PPP2R3A: variants seen among roughly 807,000 people sequenced by gnomAD.
PPP2R3A encodes the protein protein phosphatase 2 regulatory subunit B''alpha, also known as serine/threonine-protein phosphatase 2A regulatory subunit B'' subunit alpha.
Under a neutral mutation model 106.9 loss-of-function variants are expected in PPP2R3A, and 80 were observed. That is an observed-to-expected ratio of 0.75 (90% CI 0.62 to 0.90). The LOEUF is 0.90. Ranked by LOEUF, PPP2R3A falls within the 40% of genes least tolerant of loss-of-function variation. PPP2R3A has a pLI of 0.00. For missense variants in PPP2R3A, 1,386 were observed against 1,350.4 expected, an observed-to-expected ratio of 1.03 and a Z score of -0.41; for synonymous variants, 483 against 468.3, an observed-to-expected ratio of 1.03 and a Z score of -0.41.
At chr3:136,052,914 G>A (rs1372596978) in intron 5 of PPP2R3A, among the ~76,000 whole-genome samples, 3 of 152,190 alleles carry the variant, frequency 2.0e-5, no homozygotes, top group Non-Finnish European at 4.4e-5. Context: ...AAATGGTAGA[G>A]AAAATCAACG....
At position 135,965,767 on chromosome 3, in the gene PPP2R3A, C is replaced by G. The variant is rs1030607069; in HGVS notation, c.-523C>G. The G allele has an allele frequency of 2.0e-5, 3 of 152,130 alleles. No individual in the cohort carries two copies. Among genetic ancestry groups the G allele is most frequent in the Admixed American group, 6.5e-5 (1 of 15,284 alleles). The allele number at this position is 152,130 out of a possible 1,614,324, so 9.4% of individuals were successfully genotyped here. A position where few individuals can be genotyped will look rare whatever the true frequency, so the allele number is the denominator to read the frequency against. On this transcript the variant is annotated 5_prime_UTR_variant, in exon 1 of 14. Transcript: ENST00000264977. ...GCTCTTCACGCGCCGCATTCGTAGC[C>G]CGAGAGTCCGCGCCGCGGGGAGGCT...
At chr3:136,030,687 A>C (rs1934839045) in intron 3 of PPP2R3A, among the ~76,000 whole-genome samples, 2 of 151,620 alleles carry the variant, frequency 1.3e-5, no homozygotes, top group African/African-American at 4.9e-5. Flanking sequence ...CACATGGAAT[A>C]GTCTCCAATC....
At chr3:135,983,769 G>A (rs531794757) in intron 1 of PPP2R3A, among the ~76,000 whole-genome samples, 1 of 152,290 alleles carries the variant, frequency 6.6e-6, no homozygotes, top group Admixed American at 6.5e-5. Flanking sequence ...GATGCCATTT[G>A]TGAACATGCT....
chr3:136,082,314 A>G lies in PPP2R3A; in HGVS notation c.2681A>G (p.Tyr894Cys). 1 of 1,602,214 alleles carries G rather than the reference A, an allele frequency of 6.2e-7. No homozygotes were observed. Among genetic ancestry groups the G allele is most frequent in the Non-Finnish European group, 8.6e-7 (1 of 1,169,178 alleles). The change falls in exon 8 of 14, where the codon TAC becomes TGC. Residue 894 changes from tyrosine (Y) to cysteine (C), a missense_variant. By Grantham distance (194) the Tyr-to-Cys change is radical. Transcript: ENST00000264977. The part of the protein sequence containing the change: ...EEEDINQITD[Y>C]FSYEHFYVIY... ...GAAGATATAAACCAAATTACAGATT[A>G]CTTCTCCTATGAACATTTCTATGTT...
rs567843641 is a variant in PPP2R3A, at chr3:136,013,201, T to C, written c.1995+9708T>C. 7.1e-3 allele frequency among the ~76,000 whole-genome samples: 1,082 copies of C among 151,862 alleles called. 11 individuals carry two copies. The highest frequency in any genetic ancestry group is 0.026 in the African/African-American group (1,061 of 41,398). ...GTGTGTGTATGTATGTATGTATGTA[T>C]GTATGTATGTATGTATGTATGTATG... On this transcript the variant is annotated intron_variant, in intron 2 of 13. Transcript: ENST00000264977.
intron 9 of PPP2R3A, among the ~76,000 whole-genome samples, chr3:136,088,947 T>C (rs780747777): frequency 1.3e-5 from 2 of 152,146 alleles, no homozygotes; most frequent in Non-Finnish European, 2.9e-5. Flanking sequence ...GTTTTTTGCT[T>C]GTTGATTTAA....
At chr3:136,135,843 C>T (rs112760391) in intron 13 of PPP2R3A, among the ~76,000 whole-genome samples, 3,812 of 151,770 alleles carry the variant, frequency 0.025, 171 homozygotes, top group African/African-American at 0.088. Flanking sequence ...GCCAGGAGTT[C>T]GAGACCTGCC....
At chr3:136,000,760 G>A (rs1380241989) in intron 1 of PPP2R3A, among the ~76,000 whole-genome samples, 1 of 152,172 alleles carries the variant, frequency 6.6e-6, no homozygotes, top group Admixed American at 6.5e-5. Context: ...TTTTTAAGCT[G>A]TGAGGGATGA....
chr3:136,010,298 G>A (rs1576431492), intron 2 of PPP2R3A, among the ~76,000 whole-genome samples: 1 of 105,494 alleles, frequency 9.5e-6, no homozygotes, highest in South Asian at 3.0e-4. Flanking sequence ...TCACTCTATT[G>A]CCCAGGCTGG....
rs771712744 is a variant in PPP2R3A at position 136,002,886 on chromosome 3, C to A, written c.1388C>A (p.Thr463Asn). 1 of 1,613,120 alleles carries A rather than the reference C, an allele frequency of 6.2e-7. No individual in the cohort carries two copies. Among genetic ancestry groups the A allele is most frequent in the Non-Finnish European group, 8.5e-7 (1 of 1,179,748 alleles). Residue 463 changes from threonine (T) to asparagine (N), a missense_variant, in exon 2 of 14, where the codon ACC (threonine) becomes AAC (asparagine). By Grantham distance (65) the Thr-to-Asn change is moderately conservative. Transcript: ENST00000264977. ...GCTACTCATCTTAAAAAATGCCCCACCCCAATGCAAAATGAAATTGGTAAG... is the reference window on the plus strand; with the variant it reads ...GCTACTCATCTTAAAAAATGCCCCAACCCAATGCAAAATGAAATTGGTAAG... ...EHATHLKKCP[T>N]PMQNEIGKIF...
intron 1 of PPP2R3A, among the ~76,000 whole-genome samples, chr3:136,000,456 A>G (rs9808979): frequency 0.27 from 40,509 of 152,140 alleles, 5,782 homozygotes; most frequent in Non-Finnish European, 0.32. Flanking sequence ...ATCCACATGG[A>G]GCAGGGTCTG....
intron 5 of PPP2R3A, among the ~76,000 whole-genome samples, chr3:136,057,678 A>G (rs946393314): frequency 2.0e-5 from 3 of 152,150 alleles, no homozygotes; most frequent in African/African-American, 4.8e-5. Flanking sequence ...GAGACAAACA[A>G]TGGCCAAAAA....
At position 136,133,776 on chromosome 3, in the gene PPP2R3A, G is replaced by GTA. The variant is rs1371312648; in HGVS notation, c.3330-11255_3330-11254dup. ...TTCAAGCAAGGACAAAAATAAATAT[G>GTA]TATATATATATATTTTTAAATATAT... On this transcript the variant is annotated intron_variant, in intron 13 of 13. Coordinates refer to ENST00000264977, the MANE Select transcript of PPP2R3A (RefSeq NM_002718.5). Among the ~76,000 whole-genome samples, 33 of 146,922 alleles carry GTA rather than the reference G, an allele frequency of 2.2e-4. 1 individual carries two copies. The highest frequency in any genetic ancestry group is 4.0e-4 in the Non-Finnish European group (27 of 67,084).
chr3:136,080,177 CAG>C (rs966228234), intron 7 of PPP2R3A, among the ~76,000 whole-genome samples: 1 of 152,148 alleles, frequency 6.6e-6, no homozygotes, highest in South Asian at 2.1e-4. Flanking sequence ...AACAGTGTCT[CAG>C]GGTTTTTTTC....
chr3:136,077,351 AT>A (rs1936630864), intron 6 of PPP2R3A, among the ~76,000 whole-genome samples: 1 of 152,166 alleles, frequency 6.6e-6, no homozygotes, highest in Admixed American at 6.5e-5. Context: ...TAGGCCTACT[AT>A]TGAGAAAGAT....
chr3:136,138,695 ATTTTTTTTTTTTTTT>A (rs747811648), intron 13 of PPP2R3A, among the ~76,000 whole-genome samples: 16 of 50,598 alleles, frequency 3.2e-4, no homozygotes, highest in Admixed American at 3.8e-4. Flanking sequence ...GAAATATTGA[ATTTTTTTTTTTTTTT>A]TTTTTTTTTT....
intron 13 of PPP2R3A, among the ~76,000 whole-genome samples, chr3:136,130,608 C>T (rs960233678): frequency 6.6e-6 from 1 of 152,110 alleles, no homozygotes. Context: ...AGATGCAGTG[C>T]CATCCCCTTC....
chr3:136,028,178 TC>T (rs1409871892), intron 3 of PPP2R3A, among the ~76,000 whole-genome samples: 1 of 152,208 alleles, frequency 6.6e-6, no homozygotes, highest in Non-Finnish European at 1.5e-5. Context: ...CTCCTCAGCA[TC>T]CACTTTGTTG....
intron 13 of PPP2R3A, among the ~76,000 whole-genome samples, chr3:136,120,018 G>T (rs1001423680): frequency 4.9e-4 from 75 of 152,046 alleles, no homozygotes; most frequent in Non-Finnish European, 3.2e-4. Context: ...GGAATACTAT[G>T]CAGCCATAAA....
Sources: allele counts gnomAD v4.1 joint callset (sites outside exome capture counted in the v4.1 genomes callset), GRCh38; gene constraint gnomAD v4.1.1; transcripts MANE v1.5; gene names NCBI Gene and HGNC (gene_info 2026-07-23, HGNC 2026-07-21).